CABIN1: variants seen among roughly 807,000 people sequenced by gnomAD.
CABIN1 encodes calcineurin binding protein 1, also known as calcineurin-binding protein cabin-1.
Under a neutral mutation model 227.7 loss-of-function variants are expected in CABIN1, and 133 were observed. The observed-to-expected ratio is 0.58, with a 90% CI of 0.51 to 0.67. The LOEUF (loss-of-function observed/expected upper bound fraction) is 0.67. CABIN1 is among the 30% of genes least tolerant of loss of function. The pLI is 0.00. For missense variants in CABIN1, 2,408 were observed against 2,852.5 expected (o/e 0.84, Z 3.55); for synonymous variants, 1,086 against 1,155.1 (o/e 0.94, Z 1.21).
intron 3 of CABIN1, 127 bp from the exon 4 acceptor site, chr22:24,038,221 C>T (rs1018955180): frequency 2.8e-6 from 2 of 724,388 alleles, no homozygotes; most frequent in Non-Finnish European, 5.0e-6. Context: ...GGTGGGGGAG[C>T]TGAAAGTTCC....
At position 24,080,652 on chromosome 22, in the gene CABIN1, G is replaced by A. The variant is rs117873936; in HGVS notation, c.2749-2576G>A. Among the ~76,000 whole-genome samples, 75 of 151,734 alleles carry A rather than the reference G, an allele frequency of 4.9e-4. 1 individual carries two copies. The East Asian group carries it at 0.014, about 29-fold the overall frequency. On this transcript the variant is annotated intron_variant, in intron 19 of 36. Transcript: ENST00000263119. ...TTCAAAGTATAGCTGTAAAATTGTT[G>A]CGTATATTTTGTTAGATTGTTGCCT...
chr22:24,062,808 C>A, intron 13 of CABIN1, 151 bp from the exon 14 acceptor site: 1 of 785,678 alleles, frequency 1.3e-6, no homozygotes. Flanking sequence ...CTCTCTGATG[C>A]CTGCCACTCA....
chr22:24,071,221 C>T, intron 17 of CABIN1, 179 bp downstream of exon 17: 1 of 797,810 alleles, frequency 1.3e-6, no homozygotes, highest in Non-Finnish European at 2.1e-6. Context: ...TGCAAACCTT[C>T]CTGGGGCTGG....
intron 28 of CABIN1, 111 bp downstream of exon 28, chr22:24,119,809 G>A (rs1316189436): frequency 9.4e-7 from 1 of 1,066,764 alleles, no homozygotes; most frequent in Non-Finnish European, 1.4e-6. Context: ...AGCAGCACAT[G>A]GGAGGGATGG....
chr22:24,052,790 CA>C (rs933884374), intron 8 of CABIN1, among the ~76,000 whole-genome samples: 2,493 of 95,392 alleles, frequency 0.026, 42 homozygotes, highest in African/African-American at 0.076. Flanking sequence ...ACCCCCATCT[CA>C]AAAAAAAAAA....
chr22:24,046,896 A>ACC lies in CABIN1; in HGVS notation c.527-2188_527-2187dup, dbSNP rs201530811. On this transcript the variant is annotated intron_variant, in intron 6 of 36. Coordinates refer to ENST00000263119, the MANE Select transcript of CABIN1 (RefSeq NM_012295.4). Reference sequence around the variant, plus strand: ...CTTGGTTTTAGTGAGAAGGTAGAAAACCCCCCCCACCGCAATGTCCCAGTT... The same window carrying ACC: ...CTTGGTTTTAGTGAGAAGGTAGAAAACCCCCCCCCCACCGCAATGTCCCAGTT... 3.4e-5 allele frequency among the ~76,000 whole-genome samples: 5 copies of ACC among 148,118 alleles called. No homozygotes were observed. In the East Asian group the frequency reaches 9.9e-4, roughly 29 times the overall value.
chr22:24,161,949 G>A (rs1265040247), intron 29 of CABIN1: 2 of 152,312 alleles, frequency 1.3e-5, no homozygotes, highest in African/African-American at 4.8e-5. Flanking sequence ...GTGTTAGAGG[G>A]ACAGTGGAGG....
intron 26 of CABIN1, among the ~76,000 whole-genome samples, chr22:24,106,104 A>G (rs1474816284): frequency 1.3e-5 from 2 of 152,218 alleles, no homozygotes; most frequent in Non-Finnish European, 2.9e-5. Flanking sequence ...AGAGTGGTGC[A>G]TTATGGTGCT....
At chr22:24,118,750 C>T (rs1490263362) in intron 27 of CABIN1, among the ~76,000 whole-genome samples, 1 of 152,230 alleles carries the variant, frequency 6.6e-6, no homozygotes, top group Non-Finnish European at 1.5e-5. Context: ...ATCCTGGGGC[C>T]AGCCGTGCAG....
chr22:24,016,870 T>C (rs560042805), intron 1 of CABIN1, among the ~76,000 whole-genome samples: 1 of 152,270 alleles, frequency 6.6e-6, no homozygotes, highest in South Asian at 2.1e-4. Flanking sequence ...AATATGCATA[T>C]CTCTATGAAT....
intron 19 of CABIN1, among the ~76,000 whole-genome samples, chr22:24,080,166 G>T (rs2040714481): frequency 6.6e-6 from 1 of 152,170 alleles, no homozygotes; most frequent in East Asian, 1.9e-4. Context: ...TGGCCAGTTG[G>T]TTTTTACCAT....
chr22:24,060,753 A>G (rs1307200342), intron 12 of CABIN1, among the ~76,000 whole-genome samples: 1 of 152,052 alleles, frequency 6.6e-6, no homozygotes, highest in Non-Finnish European at 1.5e-5. Flanking sequence ...CTGGAACCAC[A>G]GCCGTACACC....
chr22:24,131,581 A>C (rs1431256662), intron 28 of CABIN1, among the ~76,000 whole-genome samples: 3 of 152,180 alleles, frequency 2.0e-5, no homozygotes, highest in Admixed American at 6.5e-5. Flanking sequence ...CTCCTTGGCT[A>C]GGCCCTGACT....
chr22:24,110,333 C>A (rs903882564), intron 26 of CABIN1, among the ~76,000 whole-genome samples: 1 of 152,188 alleles, frequency 6.6e-6, no homozygotes, highest in Admixed American at 6.5e-5. Flanking sequence ...AGTGGAAGAG[C>A]TGCTCATCTT....
chr22:24,079,611 C>A lies in CABIN1; in HGVS notation c.2748+3327C>A, dbSNP rs192342596. ...ATCTGAAAGGCATGAAATGGTATTT[C>A]ATTGTTCTTTAGATGTTCTTTCTAA... On this transcript the variant is annotated intron_variant, in intron 19 of 36. Coordinates refer to ENST00000263119, the MANE Select transcript of CABIN1 (RefSeq NM_012295.4). Among the ~76,000 whole-genome samples, 11 of 152,230 alleles carry A rather than the reference C, an allele frequency of 7.2e-5. No homozygotes were observed. In the East Asian group the frequency reaches 1.7e-3, roughly 24 times the overall value.
chr22:24,042,746 G>C (rs1325794279), intron 5 of CABIN1, among the ~76,000 whole-genome samples, 158 bp from the exon 6 acceptor site: 2 of 151,546 alleles, frequency 1.3e-5, no homozygotes, highest in African/African-American at 4.9e-5. Flanking sequence ...CCATTTCCCT[G>C]GGAAGTTCAA....
At chr22:24,035,642 C>T (rs950702808) in intron 2 of CABIN1, 122 bp downstream of exon 2, 23 of 1,266,238 alleles carry the variant, frequency 1.8e-5, no homozygotes, top group Non-Finnish European at 2.7e-5. Context: ...GCCTTCCTCC[C>T]AGGAAGGCTG....
At chr22:24,150,075 C>A (rs578186498) in intron 29 of CABIN1, among the ~76,000 whole-genome samples, 4 of 152,338 alleles carry the variant, frequency 2.6e-5, no homozygotes, top group African/African-American at 9.6e-5. Context: ...CCAAGGGCTA[C>A]AGATGAGGAG....
At position 24,055,115 on chromosome 22, in the gene CABIN1, TC is replaced by T. The variant is rs752615941; in HGVS notation, c.1052del (p.Pro351HisfsTer27). The T allele has an allele frequency of 6.2e-7, 1 of 1,613,912 alleles. No homozygotes were observed. The highest frequency in any genetic ancestry group is 1.1e-5 in the South Asian group (1 of 91,088). ...TACACCTCTGTGGCTACAACCAGCT[TC>T]CCACTGCACAGTCCTGGTCTGTTGG... ...VSYTSVATTS[F>X]PLHSPGLLET... On this transcript the variant is annotated frameshift_variant, in exon 9 of 37. Coordinates refer to ENST00000263119, the MANE Select transcript of CABIN1 (RefSeq NM_012295.4). LOFTEE classifies it high-confidence loss of function.
Sources: allele counts gnomAD v4.1 joint callset (sites outside exome capture counted in the v4.1 genomes callset), GRCh38; gene constraint gnomAD v4.1.1; transcripts MANE v1.5; gene names NCBI Gene and HGNC (gene_info 2026-07-23, HGNC 2026-07-21).